SLC4A10: variants seen among roughly 807,000 people sequenced by gnomAD.
SLC4A10 encodes the protein solute carrier family 4 member 10, also known as sodium-driven chloride bicarbonate exchanger.
Under a neutral mutation model 137.7 loss-of-function variants are expected in SLC4A10, and 42 were observed. The observed-to-expected ratio is 0.30, with a 90% CI of 0.24 to 0.39. SLC4A10 has a LOEUF of 0.39. SLC4A10 is among the 10% of genes least tolerant of loss of function. SLC4A10 has a pLI of 1.00. For missense variants in SLC4A10, 925 were observed against 1,355.0 expected, an observed-to-expected ratio of 0.68 and a Z score of 4.98; for synonymous variants, 474 against 464.1, an observed-to-expected ratio of 1.02 and a Z score of -0.27.
At chr2:161,765,347 CT>C (rs1208827909) in intron 1 of SLC4A10, among the ~76,000 whole-genome samples, 1 of 152,104 alleles carries the variant, frequency 6.6e-6, no homozygotes, top group Non-Finnish European at 1.5e-5. Flanking sequence ...TGGCTCACGC[CT>C]GTAATCTTAG....
At chr2:161,670,490 C>A (rs2039567269) in intron 1 of SLC4A10, among the ~76,000 whole-genome samples, 1 of 152,006 alleles carries the variant, frequency 6.6e-6, no homozygotes, top group Non-Finnish European at 1.5e-5. Flanking sequence ...TTCACTTCTT[C>A]CTGTATCTCA....
rs1559394425 is a variant in SLC4A10 at position 161,854,956 on chromosome 2, A to C, written c.417-14A>C. The C allele has an allele frequency of 6.2e-7, 1 of 1,607,530 alleles. No individual in the cohort carries two copies. The highest frequency in any genetic ancestry group is 1.7e-5 in the Admixed American group (1 of 58,894). ...ATATAATATAAACTGTGCTGATAAT[A>C]TTTGTTTGTATAGGTGGTTGAAGTT... On this transcript the variant is annotated splice_polypyrimidine_tract_variant and intron_variant, in intron 4 of 26. Transcript: ENST00000446997.
chr2:161,913,121 A>G (rs1356657379), intron 15 of SLC4A10, among the ~76,000 whole-genome samples: 1 of 152,136 alleles, frequency 6.6e-6, no homozygotes, highest in Non-Finnish European at 1.5e-5. Context: ...TTTACTATAT[A>G]TGTATGTCTA....
chr2:161,699,698 G>A (rs773670201), intron 1 of SLC4A10, among the ~76,000 whole-genome samples: 10 of 152,124 alleles, frequency 6.6e-5, no homozygotes, highest in Non-Finnish European at 1.5e-4. Flanking sequence ...AAAGGGCTTT[G>A]AGAAAGGGAG....
intron 21 of SLC4A10, among the ~76,000 whole-genome samples, chr2:161,961,782 G>T (rs1696770867): frequency 6.6e-6 from 1 of 152,090 alleles, no homozygotes; most frequent in South Asian, 2.1e-4. Context: ...ATTATTTGGG[G>T]TGTGAATCTT....
chr2:161,625,081 G>C (rs2032026991), intron 1 of SLC4A10, among the ~76,000 whole-genome samples: 1 of 147,592 alleles, frequency 6.8e-6, no homozygotes, highest in South Asian at 2.1e-4. Flanking sequence ...GTGTGTGTGT[G>C]TGTGTGTGTG....
At chr2:161,627,008 G>A (rs925203145) in intron 1 of SLC4A10, among the ~76,000 whole-genome samples, 2 of 152,002 alleles carry the variant, frequency 1.3e-5, no homozygotes, top group Non-Finnish European at 2.9e-5. Context: ...ATATGATATT[G>A]GGAAAGTTAT....
At chr2:161,775,485 T>G (rs757701753) in intron 2 of SLC4A10, among the ~76,000 whole-genome samples, 9 of 151,918 alleles carry the variant, frequency 5.9e-5, no homozygotes, top group Non-Finnish European at 1.2e-4. Flanking sequence ...TTTCACTATA[T>G]TAACCCATTG....
intron 1 of SLC4A10, among the ~76,000 whole-genome samples, chr2:161,631,935 C>T (rs574638321): frequency 6.6e-6 from 1 of 151,778 alleles, no homozygotes; most frequent in Admixed American, 6.6e-5. Context: ...AGTCCCTGTA[C>T]CAACATCAGC....
intron 2 of SLC4A10, among the ~76,000 whole-genome samples, chr2:161,802,240 C>T (rs1442049891): frequency 6.6e-6 from 1 of 152,074 alleles, no homozygotes; most frequent in Non-Finnish European, 1.5e-5. Context: ...AAAAGATTTA[C>T]ATCCGTTCTT....
chr2:161,760,433 C>T (rs1252066102), intron 1 of SLC4A10, among the ~76,000 whole-genome samples: 1 of 151,964 alleles, frequency 6.6e-6, no homozygotes, highest in Non-Finnish European at 1.5e-5. Context: ...GATTTTCAAT[C>T]CTGTCCCAGG....
chr2:161,736,845 G>A (rs2047394247), intron 1 of SLC4A10, among the ~76,000 whole-genome samples: 1 of 151,920 alleles, frequency 6.6e-6, no homozygotes, highest in African/African-American at 2.4e-5. Flanking sequence ...ATAAATGGAA[G>A]TATTATTATT....
At chr2:161,635,691 T>C (rs1053224324) in intron 1 of SLC4A10, among the ~76,000 whole-genome samples, 3 of 152,150 alleles carry the variant, frequency 2.0e-5, no homozygotes. Context: ...GTGCAGTGAT[T>C]TTGGCACTGT....
intron 13 of SLC4A10, 122 bp from the exon 14 acceptor site, chr2:161,904,654 G>A (rs1281056662): frequency 2.5e-6 from 3 of 1,209,350 alleles, no homozygotes; most frequent in Non-Finnish European, 3.4e-6. Flanking sequence ...TCTTGCCCAG[G>A]GTTGCTAGAC....
chr2:161,970,656 T>C (rs1698363782), intron 23 of SLC4A10, among the ~76,000 whole-genome samples: 1 of 152,188 alleles, frequency 6.6e-6, no homozygotes. Flanking sequence ...ATTTGAGGGC[T>C]CCTACATAGA....
At chr2:161,782,269 C>A (rs540696398) in intron 2 of SLC4A10, among the ~76,000 whole-genome samples, 89 of 152,110 alleles carry the variant, frequency 5.9e-4, no homozygotes, top group Non-Finnish European at 9.9e-4. Context: ...CAAGACCTGG[C>A]AAACCCTAGA....
chr2:161,782,214 G>T (rs2053110379), intron 2 of SLC4A10, among the ~76,000 whole-genome samples: 1 of 152,044 alleles, frequency 6.6e-6, no homozygotes, highest in South Asian at 2.1e-4. Flanking sequence ...CAAAGGATTG[G>T]CTGAAATCCC....
chr2:161,951,464 G>A (rs1053069789), intron 19 of SLC4A10, among the ~76,000 whole-genome samples: 1 of 152,092 alleles, frequency 6.6e-6, no homozygotes, highest in Non-Finnish European at 1.5e-5. Context: ...ATTGTTCACT[G>A]GTATGCAATT....
At chr2:161,812,001 T>C (rs1247933043) in intron 3 of SLC4A10, among the ~76,000 whole-genome samples, 1 of 152,092 alleles carries the variant, frequency 6.6e-6, no homozygotes, top group Non-Finnish European at 1.5e-5. Flanking sequence ...ATATAAATGT[T>C]CTGGGTAGCA....
Sources: allele counts gnomAD v4.1 joint callset (sites outside exome capture counted in the v4.1 genomes callset), GRCh38; gene constraint gnomAD v4.1.1; transcripts MANE v1.5; gene names NCBI Gene and HGNC (gene_info 2026-07-23, HGNC 2026-07-21).